Variants in PCDH9 observed in about 807,000 individuals in gnomAD.
PCDH9 encodes protocadherin 9, also known as protocadherin-9.
In PCDH9, 24 loss-of-function variants were observed where a neutral mutation model predicts 70.6. That is an observed-to-expected ratio of 0.34 (90% CI 0.25 to 0.48). The LOEUF is 0.48. Among genes scored for constraint, PCDH9 ranks in the 20% least tolerant of loss-of-function variants. PCDH9 has a pLI of 0.99. For synonymous variants in PCDH9, 562 were observed against 558.5 expected (o/e 1.01, Z -0.09); for missense variants, 1,281 against 1,503.6 (o/e 0.85, Z 2.45).
intron 2 of PCDH9, among the ~76,000 whole-genome samples, chr13:67,085,989 T>C (rs769722140): frequency 6.6e-6 from 1 of 152,178 alleles, no homozygotes; most frequent in Non-Finnish European, 1.5e-5. Context: ...AAGCTTTATA[T>C]AGCCTATAGT....
intron 3 of PCDH9, among the ~76,000 whole-genome samples, chr13:66,788,457 A>G (rs1377862646): frequency 1.3e-5 from 2 of 152,116 alleles, no homozygotes. Context: ...CAATATACAC[A>G]TAATAAGAAT....
intron 3 of PCDH9, among the ~76,000 whole-genome samples, chr13:66,709,988 A>G (rs1279321275): frequency 2.0e-5 from 3 of 152,152 alleles, no homozygotes; most frequent in Non-Finnish European, 2.9e-5. Flanking sequence ...TAATTTTAAA[A>G]TATCAATGGA....
intron 2 of PCDH9, among the ~76,000 whole-genome samples, chr13:67,088,632 G>T (rs1361423848): frequency 2.0e-5 from 3 of 152,024 alleles, no homozygotes; most frequent in Non-Finnish European, 2.9e-5. Flanking sequence ...GTCTAAGGAA[G>T]AATTAGGCAA....
chr13:67,013,960 C>T (rs2084505873), intron 2 of PCDH9, among the ~76,000 whole-genome samples: 1 of 152,008 alleles, frequency 6.6e-6, no homozygotes, highest in Non-Finnish European at 1.5e-5. Flanking sequence ...ACCCAACACT[C>T]TGTCCCTCAG....
At chr13:66,672,105 T>G (rs2078183344) in intron 3 of PCDH9, among the ~76,000 whole-genome samples, 1 of 152,148 alleles carries the variant, frequency 6.6e-6, no homozygotes, top group Non-Finnish European at 1.5e-5. Flanking sequence ...CTTGGTGCCC[T>G]TTGTCCCAGC....
chr13:66,739,366 G>A (rs11148715), intron 3 of PCDH9, among the ~76,000 whole-genome samples: 41,774 of 146,248 alleles, frequency 0.29, 6,575 homozygotes, highest in East Asian at 0.46. Context: ...AGGAACAACC[G>A]GTACCAGCCG....
At chr13:66,722,357 G>A (rs7334135) in intron 3 of PCDH9, among the ~76,000 whole-genome samples, 45,634 of 152,042 alleles carry the variant, frequency 0.3, 7,794 homozygotes, top group East Asian at 0.51. Context: ...AATGAGGTAT[G>A]TACTGTATCT....
chr13:66,422,104 A>G (rs1957578109), intron 4 of PCDH9, among the ~76,000 whole-genome samples: 1 of 151,786 alleles, frequency 6.6e-6, no homozygotes, highest in Admixed American at 6.6e-5. Flanking sequence ...TGCAACAAGA[A>G]CTAACTATCC....
rs1040914990 is a variant in PCDH9 at position 67,197,703 on chromosome 13, T to G, written c.3036+27702A>C. 9.9e-5 allele frequency among the ~76,000 whole-genome samples: 15 copies of G among 152,100 alleles called. No homozygotes were observed. The East Asian group carries it at 2.5e-3, about 25-fold the overall frequency. On this transcript the variant is annotated intron_variant, in intron 2 of 4. Transcript: ENST00000377865. ...GAAATGACAATTTTTAAATGAAATA[T>G]TTAAAGCAGCAAATATATTTCTGTT...
intron 3 of PCDH9, among the ~76,000 whole-genome samples, chr13:66,887,031 AATAACACACACAC>A (rs1210083524): frequency 1.6e-5 from 2 of 125,896 alleles, no homozygotes; most frequent in Non-Finnish European, 3.3e-5. Flanking sequence ...CAACAAATAT[AATAACACACACAC>A]ACACACACAC....
intron 4 of PCDH9, among the ~76,000 whole-genome samples, chr13:66,520,057 G>A (rs558865132): frequency 1.3e-5 from 2 of 152,208 alleles, no homozygotes; most frequent in African/African-American, 4.8e-5. Context: ...TCCTGACTGC[G>A]AGCAATGATG....
At chr13:66,435,797 T>C (rs1327890218) in intron 4 of PCDH9, among the ~76,000 whole-genome samples, 2 of 152,134 alleles carry the variant, frequency 1.3e-5, no homozygotes, top group Non-Finnish European at 2.9e-5. Flanking sequence ...AAAATAAATC[T>C]TTATTAAGAT....
rs111594653 is a variant in PCDH9, at chr13:66,566,153, A to G, written c.3340+65057T>C. ...CAAAACCATGAAAGTTTAACGCTCA[A>G]TTGGAAGCTATTTGACTTGTGATGT... On this transcript the variant is annotated intron_variant, in intron 4 of 4. Coordinates refer to ENST00000377865, the MANE Select transcript of PCDH9 (RefSeq NM_203487.3). Among the ~76,000 whole-genome samples the G allele has an allele frequency of 4.2e-3, 641 of 152,302 alleles. 6 individuals are homozygous for G. Among genetic ancestry groups the G allele is most frequent in the African/African-American group, 0.014 (585 of 41,562 alleles).
intron 4 of PCDH9, among the ~76,000 whole-genome samples, chr13:66,616,661 A>G (rs2077360422): frequency 6.6e-6 from 1 of 152,048 alleles, no homozygotes; most frequent in Admixed American, 6.6e-5. Flanking sequence ...AATAAATAGG[A>G]TGACTATCAC....
intron 4 of PCDH9, among the ~76,000 whole-genome samples, chr13:66,447,441 C>T (rs1489681651): frequency 6.6e-6 from 1 of 151,984 alleles, no homozygotes; most frequent in Non-Finnish European, 1.5e-5. Context: ...AAGGAATCTG[C>T]CCATATTAAT....
chr13:66,544,449 C>T (rs1038807961), intron 4 of PCDH9, among the ~76,000 whole-genome samples: 1 of 152,086 alleles, frequency 6.6e-6, no homozygotes, highest in Non-Finnish European at 1.5e-5. Flanking sequence ...GGTGAGCCCC[C>T]GAATTGGAGC....
intron 2 of PCDH9, among the ~76,000 whole-genome samples, chr13:66,983,851 C>T (rs1182158182): frequency 1.3e-5 from 2 of 151,198 alleles, no homozygotes; most frequent in East Asian, 1.9e-4. Flanking sequence ...TTTTTTGCTC[C>T]TCTCCCTTCT....
chr13:66,646,665 A>G (rs902245926), intron 3 of PCDH9, among the ~76,000 whole-genome samples: 2 of 152,244 alleles, frequency 1.3e-5, no homozygotes, highest in African/African-American at 4.8e-5. Flanking sequence ...AGAAGCCTTC[A>G]CCAATCGTCT....
At chr13:67,125,887 ATG>A (rs1246138949) in intron 2 of PCDH9, among the ~76,000 whole-genome samples, 1 of 151,712 alleles carries the variant, frequency 6.6e-6, no homozygotes, top group Non-Finnish European at 1.5e-5. Flanking sequence ...GTGTATATAT[ATG>A]TGTGTGTGTA....
Sources: allele counts gnomAD v4.1 joint callset (sites outside exome capture counted in the v4.1 genomes callset), GRCh38; gene constraint gnomAD v4.1.1; transcripts MANE v1.5; gene names NCBI Gene and HGNC (gene_info 2026-07-23, HGNC 2026-07-21).